Variants in DNM3 observed in about 807,000 individuals in gnomAD.
DNM3 encodes the protein dynamin 3.
In DNM3, 47 loss-of-function variants were observed where a neutral mutation model predicts 101.6. The observed-to-expected ratio is 0.46, with a 90% CI of 0.37 to 0.59. The LOEUF is 0.59. DNM3 is among the 20% of genes least tolerant of loss of function. DNM3 has a pLI of 0.00. For synonymous variants in DNM3, 385 were observed against 387.9 expected, an observed-to-expected ratio of 0.99 and a Z score of 0.09; for missense variants, 849 against 1,085.7, an observed-to-expected ratio of 0.78 and a Z score of 3.06.
intron 13 of DNM3, among the ~76,000 whole-genome samples, chr1:172,105,647 A>G (rs746909238): frequency 4.6e-5 from 7 of 152,112 alleles, no homozygotes; most frequent in African/African-American, 1.7e-4. Flanking sequence ...CTAGAGTTCT[A>G]TTTGTTGATT....
intron 14 of DNM3, among the ~76,000 whole-genome samples, chr1:172,186,292 G>A (rs2059521477): frequency 6.6e-6 from 1 of 151,960 alleles, no homozygotes; most frequent in African/African-American, 2.4e-5. Flanking sequence ...CAAGAAATGT[G>A]GAGATATAAC....
chr1:172,182,537 C>T (rs1034596964), intron 14 of DNM3, among the ~76,000 whole-genome samples: 7 of 152,118 alleles, frequency 4.6e-5, no homozygotes, highest in African/African-American at 1.7e-4. Context: ...AAAATGTTCT[C>T]CACAGACTTG....
downstream of DNM3, chr1:172,415,524 G>GTTTTTTTTTTTTTTTTTTTT (rs386368747): frequency 1.0e-5 from 1 of 99,130 alleles, no homozygotes. Context: ...TTTTTTGTGA[G>GTTTTTTTTTTTTTTTTTTTT]TTTTTTTTTT....
intron 1 of DNM3, among the ~76,000 whole-genome samples, chr1:171,892,874 T>C (rs990609297): frequency 2.7e-5 from 4 of 149,898 alleles, no homozygotes; most frequent in African/African-American, 1.0e-4. Context: ...TACACTGTTA[T>C]GAGAATCTAT....
rs543896836 is a variant in DNM3, at chr1:172,004,888, T to C, written c.589+15740T>C. On this transcript the variant is annotated intron_variant, in intron 4 of 20. Coordinates refer to ENST00000627582, the MANE Select transcript of DNM3 (RefSeq NM_015569.5). ...GTTCCAGATGGCACAGTGAAAAGGATTGGCAAATAGGCAGCAAGAGGAGGA... is the reference window on the plus strand; with the variant it reads ...GTTCCAGATGGCACAGTGAAAAGGACTGGCAAATAGGCAGCAAGAGGAGGA... 4.5e-4 allele frequency among the ~76,000 whole-genome samples: 68 copies of C among 152,064 alleles called. 1 individual carries two copies. Among genetic ancestry groups the C allele is most frequent in the Admixed American group, 8.5e-4 (13 of 15,248 alleles).
intron 17 of DNM3, among the ~76,000 whole-genome samples, chr1:172,359,149 C>CACACACACACACACACAT (rs1553244184): frequency 1.4e-4 from 21 of 150,884 alleles, no homozygotes; most frequent in African/African-American, 3.4e-4. Flanking sequence ...CACACACACA[C>CACACACACACACACACAT]ACACACACAC....
chr1:172,354,112 TGAGA>T (rs71563205), intron 17 of DNM3, among the ~76,000 whole-genome samples: 5 of 94,938 alleles, frequency 5.3e-5, no homozygotes, highest in South Asian at 4.3e-4. Context: ...TGTGTGTGTG[TGAGA>T]GAGAGAGAGA....
chr1:172,094,589 T>A (rs2054122340), intron 13 of DNM3, among the ~76,000 whole-genome samples: 1 of 152,168 alleles, frequency 6.6e-6, no homozygotes, highest in Non-Finnish European at 1.5e-5. Context: ...ATAGAAAATA[T>A]CTCTCAGGAT....
At chr1:172,163,792 G>A (rs1280679320) in intron 14 of DNM3, among the ~76,000 whole-genome samples, 2 of 151,848 alleles carry the variant, frequency 1.3e-5, no homozygotes, top group African/African-American at 4.8e-5. Context: ...AGGTTCATCC[G>A]CATGGTCACA....
intron 13 of DNM3, among the ~76,000 whole-genome samples, chr1:172,114,735 G>A (rs1291557986): frequency 1.3e-5 from 2 of 152,150 alleles, no homozygotes; most frequent in African/African-American, 4.8e-5. Context: ...GGAAGATTGA[G>A]GCTCCGAGAG....
At chr1:172,126,295 T>C (rs561931316) in intron 13 of DNM3, among the ~76,000 whole-genome samples, 3 of 152,182 alleles carry the variant, frequency 2.0e-5, no homozygotes, top group South Asian at 2.1e-4. Context: ...CTCACTTCCA[T>C]GGGTAACTGG....
rs186570691 is a variant in DNM3, at chr1:172,258,493, G to A, written c.1769+4811G>A. Among the ~76,000 whole-genome samples the A allele has an allele frequency of 4.5e-3, 691 of 151,952 alleles. 7 individuals carry two copies. The highest frequency in any genetic ancestry group is 0.015 in the African/African-American group (627 of 41,474). Reference sequence around the variant, plus strand: ...TTTATTTCTTTCTGATTCAATCTTCGTAGGTTGTATTGTCCAGGAATGTAT... The same window carrying A: ...TTTATTTCTTTCTGATTCAATCTTCATAGGTTGTATTGTCCAGGAATGTAT... On this transcript the variant is annotated intron_variant, in intron 15 of 20. Coordinates refer to ENST00000627582, the MANE Select transcript of DNM3 (RefSeq NM_015569.5).
At chr1:171,924,821 G>A (rs2040432533) in intron 2 of DNM3, among the ~76,000 whole-genome samples, 1 of 152,088 alleles carries the variant, frequency 6.6e-6, no homozygotes, top group African/African-American at 2.4e-5. Context: ...TAATGATGTT[G>A]AGCATTGTTT....
At chr1:172,133,540 C>A in intron 14 of DNM3, 1 of 681,296 alleles carries the variant, frequency 1.5e-6, no homozygotes, top group Non-Finnish European at 1.8e-6. Context: ...GTAGTTTCAT[C>A]CATTTAGATC....
intron 1 of DNM3, among the ~76,000 whole-genome samples, chr1:171,872,615 T>C (rs189185497): frequency 4.3e-4 from 65 of 152,328 alleles, no homozygotes; most frequent in African/African-American, 1.5e-3. Flanking sequence ...ATGTCCCCGC[T>C]AGTCTCTCGG....
intron 11 of DNM3, among the ~76,000 whole-genome samples, chr1:172,081,242 A>T (rs775645046): frequency 2.6e-5 from 4 of 152,114 alleles, no homozygotes; most frequent in Non-Finnish European, 5.9e-5. Context: ...GACTATAGGC[A>T]CACACCACCA....
intron 17 of DNM3, among the ~76,000 whole-genome samples, chr1:172,338,204 T>C (rs2066533873): frequency 6.6e-6 from 1 of 152,058 alleles, no homozygotes; most frequent in Non-Finnish European, 1.5e-5. Flanking sequence ...CGTGAGCCAC[T>C]GCACCCCGCC....
intron 10 of DNM3, among the ~76,000 whole-genome samples, chr1:172,057,345 G>A (rs2050730002): frequency 6.6e-6 from 1 of 152,080 alleles, no homozygotes; most frequent in Non-Finnish European, 1.5e-5. Context: ...TACAGAGAAT[G>A]CCACAAAGAT....
In DNM3 at chr1:172,243,589, C is replaced by A. The variant is rs561457708; in HGVS notation, c.1660-9984C>A. 1.4e-3 allele frequency among the ~76,000 whole-genome samples: 207 copies of A among 152,272 alleles called. 2 individuals are homozygous for A. Among genetic ancestry groups the A allele is most frequent in the Non-Finnish European group, 1.5e-3 (101 of 68,032 alleles). On this transcript the variant is annotated intron_variant, in intron 14 of 20. Transcript: ENST00000627582. ...CTAGTGTGTAGCTCCCTTTCAGGAT[C>A]TGAGTAGGTACGAGGGTGCAGCCAT...
Sources: gnomAD v4.1 joint callset for allele counts (sites outside exome capture counted in the v4.1 genomes callset) on GRCh38, gnomAD v4.1.1 for gene constraint, MANE v1.5 for transcripts, NCBI Gene and HGNC (gene_info 2026-07-23, HGNC 2026-07-21) for gene names.